DSG2: variants seen among roughly 807,000 people sequenced by gnomAD.
The protein encoded by DSG2 is desmoglein-2.
DSG2 carries 45 observed loss-of-function variants against 75.6 expected under a neutral mutation model. The ratio of observed to expected loss-of-function variants is 0.60; its 90% CI spans 0.47 to 0.76. The LOEUF (loss-of-function observed/expected upper bound fraction) is 0.76. Ranked by LOEUF, DSG2 falls within the 30% of genes least tolerant of loss-of-function variation. DSG2 has a pLI of 0.00. For synonymous variants in DSG2, 429 were observed against 483.9 expected, an observed-to-expected ratio of 0.89 and a Z score of 1.49; for missense variants, 1,267 against 1,357.4, an observed-to-expected ratio of 0.93 and a Z score of 1.05.
Position 31,536,408 on chromosome 18 carries a change from T to G in DSG2, c.1630T>G (p.Trp544Gly). The G allele has an allele frequency of 6.2e-7, 1 of 1,613,722 alleles. No homozygotes were observed. Among genetic ancestry groups the G allele is most frequent in the Admixed American group, 1.7e-5 (1 of 60,010 alleles). Residue 544 changes from tryptophan (W) to glycine (G), a missense_variant, in exon 11 of 15, where the codon TGG becomes GGG. Physicochemically the swap from Trp to Gly is radical, Grantham distance 184. Coordinates refer to ENST00000261590, the MANE Select transcript of DSG2 (RefSeq NM_001943.5). ...IDKPPGMAEK[W>G]KIARQESTSV... Reference sequence around the variant, plus strand: ...CAAACCACCTGGCATGGCAGAAAAATGGAAAATAGCACGCCAAGAAAGTAA... The same window carrying G: ...CAAACCACCTGGCATGGCAGAAAAAGGGAAAATAGCACGCCAAGAAAGTAA...
intron 1 of DSG2, among the ~76,000 whole-genome samples, chr18:31,514,600 A>T: frequency 6.6e-6 from 1 of 152,302 alleles, no homozygotes; most frequent in Middle Eastern, 3.4e-3. Context: ...ACATTCTACA[A>T]TCTTGCTCCT....
At chr18:31,527,247 G>A (rs1433016472) in intron 8 of DSG2, among the ~76,000 whole-genome samples, 1 of 152,160 alleles carries the variant, frequency 6.6e-6, no homozygotes, top group African/African-American at 2.4e-5. Context: ...CAGGTTTGTA[G>A]CATAGGAGCA....
intron 12 of DSG2, among the ~76,000 whole-genome samples, chr18:31,539,420 C>T (rs1285915487): frequency 2.0e-5 from 3 of 152,178 alleles, no homozygotes; most frequent in African/African-American, 7.2e-5. Context: ...CTGCTTTGTA[C>T]ATTCAACTTA....
chr18:31,546,992 A>G lies in DSG2; in HGVS notation c.*249A>G, dbSNP rs780607833. ...CTGCTTAGGTGCCTTTTAGCAAGCT[A>G]TGCAAACAATCCTGATAAAACAAGA... On this transcript the variant is annotated 3_prime_UTR_variant, in exon 15 of 15. Transcript: ENST00000261590. 8.9e-6 allele frequency: 5 copies of G among 560,582 alleles called. No individual in the cohort carries two copies. Among genetic ancestry groups the G allele is most frequent in the Non-Finnish European group, 1.6e-5 (5 of 311,772 alleles). 34.7% of individuals were successfully genotyped at this position (560,582 alleles called of 1,614,324 possible).
At chr18:31,512,931 A>G (rs2073074902) in intron 1 of DSG2, among the ~76,000 whole-genome samples, 1 of 152,238 alleles carries the variant, frequency 6.6e-6, no homozygotes, top group Non-Finnish European at 1.5e-5. Context: ...AATTGAGGGT[A>G]TGAATTAATT....
At position 31,516,454 on chromosome 18, in the gene DSG2, T is replaced by C. The variant is rs564448559; in HGVS notation, c.46-1785T>C. ...AGGTACAGAGGTGTGACTAGAGTCA[T>C]CTCCTAAAGTTTGGAATGCCTATTT... On this transcript the variant is annotated intron_variant, in intron 1 of 14. Transcript: ENST00000261590. Among the ~76,000 whole-genome samples, 3 of 152,256 alleles carry C rather than the reference T, an allele frequency of 2.0e-5. No homozygotes were observed. The South Asian group carries it at 6.2e-4, about 32-fold the overall frequency.
At chr18:31,506,365 C>T (rs927286928) in intron 1 of DSG2, among the ~76,000 whole-genome samples, 1 of 152,210 alleles carries the variant, frequency 6.6e-6, no homozygotes, top group African/African-American at 2.4e-5. Flanking sequence ...AGATTTACCT[C>T]ATTTCAGAGA....
intron 1 of DSG2, among the ~76,000 whole-genome samples, chr18:31,514,471 C>T (rs145727556): frequency 2.6e-5 from 4 of 152,224 alleles, no homozygotes; most frequent in East Asian, 3.9e-4. Context: ...TTTCTGCCTT[C>T]GAGATACTAG....
In DSG2 at chr18:31,536,422, C is replaced by A. The variant is rs2073231533; in HGVS notation, c.1644C>A (p.Arg548=). 1.9e-6 allele frequency: 3 copies of A among 1,613,002 alleles called. No individual in the cohort carries two copies. The highest frequency in any genetic ancestry group is 2.5e-6 in the Non-Finnish European group (3 of 1,179,894). ...PGMAEKWKIA[R]QESTSVLLQQ... The stretch of plus-strand genomic sequence containing the variant: ...TGGCAGAAAAATGGAAAATAGCACG[C>A]CAAGAAAGTAAGCAAAATCACTGGA... The change falls in exon 11 of 15, where the codon CGC becomes CGA. Residue 548 remains arginine, a synonymous_variant. Transcript: ENST00000261590.
At chr18:31,516,944 A>C (rs779688790) in intron 1 of DSG2, among the ~76,000 whole-genome samples, 110 of 152,212 alleles carry the variant, frequency 7.2e-4, no homozygotes, top group Non-Finnish European at 1.4e-3. Flanking sequence ...AGCCCTTAGC[A>C]CATGTGGCTG....
At chr18:31,516,350 T>C (rs889984418) in intron 1 of DSG2, among the ~76,000 whole-genome samples, 2 of 151,870 alleles carry the variant, frequency 1.3e-5, no homozygotes, top group African/African-American at 4.8e-5. Flanking sequence ...ACCTCTTCTG[T>C]GGGGAAAGAA....
intron 1 of DSG2, among the ~76,000 whole-genome samples, chr18:31,503,550 G>A (rs1333814835): frequency 6.6e-6 from 1 of 152,222 alleles, no homozygotes; most frequent in Admixed American, 6.5e-5. Flanking sequence ...ACTTGCCAAG[G>A]AAGTGTTTTC....
At chr18:31,542,903 A>C in intron 14 of DSG2, 51 bp downstream of exon 14, 1 of 1,033,486 alleles carries the variant, frequency 9.7e-7, no homozygotes, top group Non-Finnish European at 1.3e-6. Flanking sequence ...GAACATTTGT[A>C]TGTGAATGTG....
intron 1 of DSG2, among the ~76,000 whole-genome samples, chr18:31,510,174 T>A (rs1183542283): frequency 3.3e-5 from 5 of 152,242 alleles, no homozygotes; most frequent in Admixed American, 3.3e-4. Flanking sequence ...CCTCTGTGTT[T>A]GAGTTCTAAA....
intron 1 of DSG2, among the ~76,000 whole-genome samples, chr18:31,500,036 T>TAAAAAA (rs10625787): frequency 2.7e-5 from 3 of 110,992 alleles, no homozygotes; most frequent in Admixed American, 1.0e-4. Flanking sequence ...AGTTTTTTGG[T>TAAAAAA]AAAAAAAAAA....
chr18:31,513,400 GT>G (rs2073077307), intron 1 of DSG2, among the ~76,000 whole-genome samples: 1 of 152,152 alleles, frequency 6.6e-6, no homozygotes, highest in Non-Finnish European at 1.5e-5. Context: ...AGAATCTTTT[GT>G]AGGGTCTCCT....
At chr18:31,501,423 A>G (rs753349481) in intron 1 of DSG2, among the ~76,000 whole-genome samples, 10 of 152,224 alleles carry the variant, frequency 6.6e-5, no homozygotes, top group Non-Finnish European at 1.2e-4. Flanking sequence ...GCTGTAACGA[A>G]GTGCTAAAAA....
chr18:31,525,159 C>T (rs1037834473), intron 8 of DSG2, among the ~76,000 whole-genome samples: 1 of 152,154 alleles, frequency 6.6e-6, no homozygotes, highest in South Asian at 2.1e-4. Flanking sequence ...GGCTTTCTTG[C>T]AGCTCATACC....
At chr18:31,545,027 AG>A (rs2144357565) in intron 14 of DSG2, among the ~76,000 whole-genome samples, 1 of 152,272 alleles carries the variant, frequency 6.6e-6, no homozygotes, top group African/African-American at 2.4e-5. Flanking sequence ...TTAGCTTAAC[AG>A]GGATGTGGGT....
Sources: gnomAD v4.1 joint callset for allele counts (sites outside exome capture counted in the v4.1 genomes callset) on GRCh38, gnomAD v4.1.1 for gene constraint, MANE v1.5 for transcripts, NCBI Gene and HGNC (gene_info 2026-07-23, HGNC 2026-07-21) for gene names.